CACNA2D3: variants seen among roughly 807,000 people sequenced by gnomAD.
CACNA2D3 encodes the protein voltage-dependent calcium channel subunit alpha-2/delta-3.
In CACNA2D3, 60 loss-of-function variants were observed where a neutral mutation model predicts 160.6. That is an observed-to-expected ratio of 0.37 (90% CI 0.30 to 0.46). The LOEUF (loss-of-function observed/expected upper bound fraction) is 0.46, where lower values mean the gene tolerates loss of function less well. Among genes scored for constraint, CACNA2D3 ranks in the 20% least tolerant of loss-of-function variants. CACNA2D3 has a pLI of 1.00. For synonymous variants in CACNA2D3, 558 were observed against 492.9 expected (o/e 1.13, Z -1.75); for missense variants, 1,205 against 1,365.0 (o/e 0.88, Z 1.85).
intron 27 of CACNA2D3, chr3:54,918,430 A>G (rs751455963): frequency 1.1e-5 from 18 of 1,598,670 alleles, no homozygotes; most frequent in Middle Eastern, 1.7e-4. Context: ...CTGGCCTGCA[A>G]TGACCAATCC....
chr3:54,491,392 C>T (rs904445824), intron 4 of CACNA2D3, among the ~76,000 whole-genome samples: 2 of 152,210 alleles, frequency 1.3e-5, no homozygotes, highest in Non-Finnish European at 2.9e-5. Context: ...ACAACTTACC[C>T]TGCAGGACAG....
At chr3:54,824,977 T>G (rs1211551062) in intron 14 of CACNA2D3, among the ~76,000 whole-genome samples, 2 of 152,240 alleles carry the variant, frequency 1.3e-5, no homozygotes, top group African/African-American at 4.8e-5. Flanking sequence ...GCTTTCTAGT[T>G]TCAGACTTAA....
At chr3:54,461,742 A>C (rs1374381558) in intron 4 of CACNA2D3, among the ~76,000 whole-genome samples, 2 of 151,640 alleles carry the variant, frequency 1.3e-5, no homozygotes, top group Middle Eastern at 3.2e-3. Flanking sequence ...TGGATTGATT[A>C]ATTTTTTGAA....
At chr3:54,470,825 A>G (rs370655874) in intron 4 of CACNA2D3, among the ~76,000 whole-genome samples, 4 of 152,230 alleles carry the variant, frequency 2.6e-5, no homozygotes, top group Non-Finnish European at 4.4e-5. Flanking sequence ...TAAGGGCATT[A>G]CATAATGGTA....
intron 20 of CACNA2D3, 47 bp downstream of exon 20, chr3:54,879,458 G>A: frequency 7.3e-7 from 1 of 1,378,344 alleles, no homozygotes; most frequent in South Asian, 1.2e-5. Context: ...CCCATCAGTT[G>A]TGTTTGTACA....
intron 4 of CACNA2D3, among the ~76,000 whole-genome samples, chr3:54,437,290 TG>T (rs1360745324): frequency 6.6e-6 from 1 of 152,234 alleles, no homozygotes; most frequent in African/African-American, 2.4e-5. Context: ...GTCCCTTTAT[TG>T]AGAGACCTTT....
intron 2 of CACNA2D3, among the ~76,000 whole-genome samples, chr3:54,214,861 A>G (rs1701433165): frequency 6.6e-6 from 1 of 152,216 alleles, no homozygotes; most frequent in Non-Finnish European, 1.5e-5. Context: ...TTTGGAGCTC[A>G]GGGGTTGAGT....
At chr3:55,035,391 T>G (rs1341409368) in intron 35 of CACNA2D3, among the ~76,000 whole-genome samples, 1 of 152,146 alleles carries the variant, frequency 6.6e-6, no homozygotes, top group Non-Finnish European at 1.5e-5. Context: ...AAATACTTTG[T>G]GAATGTGTGA....
At chr3:54,149,267 G>GCACACACACACACA (rs3060363) in intron 2 of CACNA2D3, among the ~76,000 whole-genome samples, 1,491 of 144,412 alleles carry the variant, frequency 0.01, 25 homozygotes, top group African/African-American at 0.031. Context: ...GGTCCCATGT[G>GCACACACACACACA]CACACACACA....
At chr3:54,527,671 C>T (rs1336208658) in intron 5 of CACNA2D3, among the ~76,000 whole-genome samples, 1 of 152,194 alleles carries the variant, frequency 6.6e-6, no homozygotes, top group African/African-American at 2.4e-5. Context: ...TTAGCTTCAG[C>T]AACAGGCAGC....
At chr3:54,821,697 T>TTTCTTTCTTTCTTTCTTTCTTTCC (rs753240626) in intron 14 of CACNA2D3, among the ~76,000 whole-genome samples, 131 of 84,084 alleles carry the variant, frequency 1.6e-3, no homozygotes, top group South Asian at 3.8e-3. Flanking sequence ...TCTTTCTTTC[T>TTTCTTTCTTTCTTTCTTTCTTTCC]TTCCTTCCTT....
intron 5 of CACNA2D3, among the ~76,000 whole-genome samples, chr3:54,506,279 T>C (rs540217911): frequency 3.3e-5 from 5 of 152,214 alleles, no homozygotes; most frequent in Non-Finnish European, 5.9e-5. Flanking sequence ...TGCTCAGAGA[T>C]TGGTCACTGG....
intron 2 of CACNA2D3, among the ~76,000 whole-genome samples, chr3:54,290,949 C>G (rs1438755053): frequency 2.0e-5 from 3 of 152,152 alleles, no homozygotes; most frequent in African/African-American, 4.8e-5. Flanking sequence ...GGAGATATAC[C>G]TAATGCTAAA....
intron 4 of CACNA2D3, among the ~76,000 whole-genome samples, chr3:54,493,151 C>T (rs1041135481): frequency 6.1e-5 from 8 of 132,118 alleles, no homozygotes; most frequent in Admixed American, 1.7e-4. Flanking sequence ...AATCTCGGCT[C>T]GCTGCAACCT....
intron 17 of CACNA2D3, among the ~76,000 whole-genome samples, chr3:54,859,578 C>T (rs758160727): frequency 1.3e-5 from 2 of 152,178 alleles, no homozygotes; most frequent in Non-Finnish European, 2.9e-5. Flanking sequence ...GCCCCAGTGG[C>T]CCCCTCCCTC....
intron 17 of CACNA2D3, among the ~76,000 whole-genome samples, chr3:54,853,160 C>T (rs376053545): frequency 1.1e-4 from 17 of 152,078 alleles, no homozygotes; most frequent in Non-Finnish European, 1.8e-4. Context: ...AGCATCGCTG[C>T]GCCCACCCAG....
At chr3:54,934,953 G>T (rs1701293316) in intron 27 of CACNA2D3, among the ~76,000 whole-genome samples, 1 of 152,162 alleles carries the variant, frequency 6.6e-6, no homozygotes, top group South Asian at 2.1e-4. Context: ...GGCCAGGCTG[G>T]TCTCGAACTC....
chr3:54,360,165 A>G (rs1698718054), intron 3 of CACNA2D3, among the ~76,000 whole-genome samples: 1 of 152,206 alleles, frequency 6.6e-6, no homozygotes, highest in African/African-American at 2.4e-5. Context: ...CTTTGCACTG[A>G]AACTGCAGAG....
chr3:54,292,368 A>C (rs1329079881), intron 2 of CACNA2D3, among the ~76,000 whole-genome samples: 1 of 152,204 alleles, frequency 6.6e-6, no homozygotes, highest in Non-Finnish European at 1.5e-5. Flanking sequence ...GCTTTCAAGA[A>C]CACTATCAAG....
Sources: allele counts gnomAD v4.1 joint callset (sites outside exome capture counted in the v4.1 genomes callset), GRCh38; gene constraint gnomAD v4.1.1; transcripts MANE v1.5; gene names NCBI Gene and HGNC (gene_info 2026-07-23, HGNC 2026-07-21).